The following TMEM62 variants were observed in gnomAD, a reference collection of about 807,000 sequenced individuals.
TMEM62 encodes transmembrane protein 62.
In TMEM62, 41 loss-of-function variants were observed where a neutral mutation model predicts 70.4. The ratio of observed to expected loss-of-function variants is 0.58; its 90% confidence interval spans 0.45 to 0.76. The LOEUF (loss-of-function observed/expected upper bound fraction) is 0.76. TMEM62 is among the 30% of genes least tolerant of loss of function. The pLI is 0.00. For missense variants in TMEM62, 688 were observed against 788.5 expected, an observed-to-expected ratio of 0.87 and a Z score of 1.53; for synonymous variants, 268 against 291.0, an observed-to-expected ratio of 0.92 and a Z score of 0.80.
intron 13 of TMEM62, among the ~76,000 whole-genome samples, chr15:43,183,483 C>T (rs1330114004): frequency 4.6e-5 from 7 of 152,218 alleles, no homozygotes; most frequent in Non-Finnish European, 8.8e-5. Flanking sequence ...CAAGACCTCT[C>T]CCACCTCTGG....
chr15:43,135,697 CT>C (rs1567171867), intron 3 of TMEM62, 48 bp downstream of exon 3: 20 of 1,517,316 alleles, frequency 1.3e-5, no homozygotes, highest in Non-Finnish European at 1.8e-5. Context: ...TTTTTTCCCC[CT>C]TCAGGAACCT....
At chr15:43,173,322 C>T (rs565609593) in intron 11 of TMEM62, among the ~76,000 whole-genome samples, 1 of 152,324 alleles carries the variant, frequency 6.6e-6, no homozygotes, top group South Asian at 2.1e-4. Context: ...CTCTTATATC[C>T]AGTCTCTCTA....
intron 12 of TMEM62, 166 bp from the exon 13 acceptor site, chr15:43,181,015 T>C: frequency 1.7e-6 from 1 of 603,024 alleles, no homozygotes; most frequent in South Asian, 2.2e-5. Context: ...AGCAAGGATA[T>C]CAAGTACAAC....
At chr15:43,176,518 G>A (rs11504655) in intron 11 of TMEM62, among the ~76,000 whole-genome samples, 6,186 of 152,204 alleles carry the variant, frequency 0.041, 397 homozygotes, top group African/African-American at 0.14. Context: ...AGCAGCATTC[G>A]CGGTTCACGA....
chr15:43,145,509 A>G (rs2036566599), intron 4 of TMEM62, among the ~76,000 whole-genome samples: 1 of 152,156 alleles, frequency 6.6e-6, no homozygotes, highest in Non-Finnish European at 1.5e-5. Flanking sequence ...CTGGCCCTGA[A>G]ATGGAAATTT....
chr15:43,171,045 A>C (rs2040131062), intron 11 of TMEM62, among the ~76,000 whole-genome samples: 1 of 151,988 alleles, frequency 6.6e-6, no homozygotes, highest in African/African-American at 2.4e-5. Flanking sequence ...TTAAGTCAAA[A>C]CCTCTTATGG....
At chr15:43,176,019 C>T (rs1400641223) in intron 11 of TMEM62, among the ~76,000 whole-genome samples, 1 of 152,250 alleles carries the variant, frequency 6.6e-6, no homozygotes, top group African/African-American at 2.4e-5. Context: ...AAACAGCGCA[C>T]CAGCAGATTA....
At chr15:43,165,485 G>A (rs1236336656) in intron 10 of TMEM62, among the ~76,000 whole-genome samples, 2 of 152,032 alleles carry the variant, frequency 1.3e-5, no homozygotes, top group African/African-American at 4.8e-5. Flanking sequence ...TGTAATCCCG[G>A]CACTTTGGGA....
intron 10 of TMEM62, among the ~76,000 whole-genome samples, chr15:43,167,460 C>T (rs2039630524): frequency 6.6e-6 from 1 of 151,524 alleles, no homozygotes; most frequent in South Asian, 2.1e-4. Context: ...GGCGGCCCGG[C>T]AGAGACGCTC....
At chr15:43,162,139 T>A (rs1390278544) in intron 10 of TMEM62, among the ~76,000 whole-genome samples, 1 of 152,018 alleles carries the variant, frequency 6.6e-6, no homozygotes, top group East Asian at 1.9e-4. Context: ...TAATTTTTAT[T>A]TTATTTTATT....
chr15:43,182,929 C>T (rs775979051), intron 13 of TMEM62, among the ~76,000 whole-genome samples: 2 of 152,140 alleles, frequency 1.3e-5, no homozygotes, highest in African/African-American at 4.8e-5. Flanking sequence ...CCCATGAATC[C>T]CAAATCTATA....
chr15:43,181,300 G>T lies in TMEM62; in HGVS notation c.1605+1G>T. 6.3e-7 allele frequency: 1 copy of T among 1,590,548 alleles called. No homozygotes were observed. Among genetic ancestry groups the T allele is most frequent in the Non-Finnish European group, 8.6e-7 (1 of 1,159,026 alleles). On this transcript the variant is annotated splice_donor_variant, in intron 13 of 13. Coordinates refer to ENST00000260403, the MANE Select transcript of TMEM62 (RefSeq NM_024956.4). LOFTEE classifies it high-confidence loss of function. ...AACATTTATAATTGGAATTCTCCAGGTAAGAAGTCAGAAAAGCAATTTAAG... is the reference window on the plus strand; with the variant it reads ...AACATTTATAATTGGAATTCTCCAGTTAAGAAGTCAGAAAAGCAATTTAAG...
chr15:43,174,457 T>C (rs2040528205), intron 11 of TMEM62, among the ~76,000 whole-genome samples: 1 of 152,244 alleles, frequency 6.6e-6, no homozygotes, highest in Non-Finnish European at 1.5e-5. Context: ...TTATTATACA[T>C]GTGTATTTTC....
chr15:43,134,465 G>A (rs2034915128), intron 2 of TMEM62, 97 bp downstream of exon 2: 1 of 921,982 alleles, frequency 1.1e-6, no homozygotes. Flanking sequence ...GTTGGGAGCA[G>A]TATAGCCACA....
chr15:43,146,989 A>C (rs1309930998), intron 5 of TMEM62, among the ~76,000 whole-genome samples: 1 of 152,112 alleles, frequency 6.6e-6, no homozygotes, highest in Admixed American at 6.5e-5. Flanking sequence ...TTTGAGACGG[A>C]GTTTTGCTCT....
At chr15:43,182,483 C>A (rs1200512112) in intron 13 of TMEM62, among the ~76,000 whole-genome samples, 1 of 146,340 alleles carries the variant, frequency 6.8e-6, no homozygotes. Flanking sequence ...GATGGAGTCT[C>A]GATCTTGTCG....
chr15:43,162,388 C>T (rs1212853685), intron 10 of TMEM62, among the ~76,000 whole-genome samples: 7 of 151,124 alleles, frequency 4.6e-5, no homozygotes, highest in Non-Finnish European at 1.0e-4. Context: ...ATCCACCCGC[C>T]TCCCAAAGTG....
intron 2 of TMEM62, 89 bp from the exon 3 acceptor site, chr15:43,135,423 C>A: frequency 7.4e-7 from 1 of 1,358,484 alleles, no homozygotes; most frequent in South Asian, 1.7e-5. Flanking sequence ...CTTTAAGTAT[C>A]CTTGTTCCTT....
chr15:43,154,799 A>G lies in TMEM62; in HGVS notation c.1150A>G (p.Ser384Gly). ...GAAGTGGAATCCTAGAAACTACAGT[A>G]GTGGGACACATAACATAGAAGTAAT... Reference protein sequence around the residue: ...VLKWNPRNYSSGTHNIEVIVQ... With the variant: ...VLKWNPRNYSGGTHNIEVIVQ... The change falls in exon 9 of 14, where the codon AGT (serine) becomes GGT (glycine). Residue 384 changes from serine (S) to glycine (G), a missense_variant. Ser to Gly is a moderately conservative substitution (Grantham distance 56). Transcript: ENST00000260403. The G allele has an allele frequency of 6.2e-7, 1 of 1,613,220 alleles. No individual in the cohort carries two copies. Among genetic ancestry groups the G allele is most frequent in the Non-Finnish European group, 8.5e-7 (1 of 1,179,636 alleles).
Sources: allele counts gnomAD v4.1 joint callset (sites outside exome capture counted in the v4.1 genomes callset), GRCh38; gene constraint gnomAD v4.1.1; transcripts MANE v1.5; gene names NCBI Gene and HGNC (gene_info 2026-07-23, HGNC 2026-07-21).